Variants in FNIP2 observed in about 807,000 individuals in gnomAD.
FNIP2 encodes the protein folliculin interacting protein 2.
Under a neutral mutation model 108.7 loss-of-function variants are expected in FNIP2, and 32 were observed. The observed-to-expected ratio is 0.29, with a 90% CI of 0.22 to 0.40. FNIP2 has a LOEUF of 0.40. Among genes scored for constraint, FNIP2 ranks in the 10% least tolerant of loss-of-function variants. The pLI is 1.00. For synonymous variants in FNIP2, 480 were observed against 496.7 expected, an observed-to-expected ratio of 0.97 and a Z score of 0.45; for missense variants, 1,202 against 1,381.6, an observed-to-expected ratio of 0.87 and a Z score of 2.06.
intron 2 of FNIP2, among the ~76,000 whole-genome samples, chr4:158,827,006 G>A (rs1328518678): frequency 6.6e-6 from 1 of 152,178 alleles, no homozygotes; most frequent in Non-Finnish European, 1.5e-5. Context: ...TTTTGATAAG[G>A]ATCATTTCTG....
chr4:158,865,086 C>G (rs1359354159), intron 12 of FNIP2, among the ~76,000 whole-genome samples: 2 of 152,146 alleles, frequency 1.3e-5, no homozygotes, highest in African/African-American at 4.8e-5. Context: ...TGTCTTTGGC[C>G]TATTTCACTT....
intron 1 of FNIP2, among the ~76,000 whole-genome samples, chr4:158,780,940 C>T (rs1447253332): frequency 6.6e-6 from 1 of 151,024 alleles, no homozygotes; most frequent in Non-Finnish European, 1.5e-5. Flanking sequence ...GAGGCTGAGG[C>T]AGGAGAATCG....
intron 15 of FNIP2, among the ~76,000 whole-genome samples, chr4:158,894,885 C>T (rs1356907228): frequency 5.3e-5 from 8 of 152,162 alleles, no homozygotes; most frequent in African/African-American, 9.7e-5. Flanking sequence ...TGTCGTTGAT[C>T]AGCCCAGATG....
chr4:158,882,234 G>A (rs1405467159), intron 14 of FNIP2, among the ~76,000 whole-genome samples: 10 of 148,318 alleles, frequency 6.7e-5, no homozygotes, highest in African/African-American at 1.0e-4. Context: ...CCCGGCAGCC[G>A]CCCCGTCTGA....
chr4:158,831,040 T>C (rs1255655076), intron 3 of FNIP2, among the ~76,000 whole-genome samples: 1 of 152,094 alleles, frequency 6.6e-6, no homozygotes, highest in Non-Finnish European at 1.5e-5. Flanking sequence ...GTTAGTAGGG[T>C]TGACCTCCAG....
chr4:158,862,735 A>T (rs1780364164), intron 12 of FNIP2, among the ~76,000 whole-genome samples: 1 of 152,220 alleles, frequency 6.6e-6, no homozygotes, highest in African/African-American at 2.4e-5. Context: ...TGCCTAACTC[A>T]TTCTTGGTCA....
chr4:158,902,124 T>A (rs1450852649), intron 16 of FNIP2, among the ~76,000 whole-genome samples: 1 of 152,126 alleles, frequency 6.6e-6, no homozygotes, highest in Non-Finnish European at 1.5e-5. Context: ...CTTCATGGAT[T>A]TATCTACCTT....
intron 8 of FNIP2, among the ~76,000 whole-genome samples, chr4:158,858,794 G>A (rs989722688): frequency 6.6e-6 from 1 of 152,126 alleles, no homozygotes; most frequent in Admixed American, 6.6e-5. Context: ...ACGATTCAAA[G>A]GAAAAGGACA....
intron 1 of FNIP2, among the ~76,000 whole-genome samples, chr4:158,816,394 A>G (rs1777569402): frequency 6.6e-6 from 1 of 152,176 alleles, no homozygotes. Context: ...ATCTTGATGC[A>G]TGTTACCTTT....
Position 158,859,653 on chromosome 4 carries a change from C to G in FNIP2, c.1135C>G (p.Leu379Val). The change falls in exon 10 of 17, where the codon CTG (leucine) becomes GTG (valine). Residue 379 changes from leucine to valine, a missense_variant. Leu to Val is a conservative substitution (Grantham distance 32, BLOSUM62 1). Coordinates refer to ENST00000264433, the MANE Select transcript of FNIP2 (RefSeq NM_020840.3). ...TTATGTCAGCCGTTTGATGGAAGCT[C>G]TGGGAGAATTCAGGTAAAGTGGCAA... Reference protein sequence around the residue: ...QFYVSRLMEALGEFRGTIWNL... With the variant: ...QFYVSRLMEAVGEFRGTIWNL... The G allele has an allele frequency of 6.2e-7, 1 of 1,613,054 alleles. No individual in the cohort carries two copies. Among genetic ancestry groups the G allele is most frequent in the Non-Finnish European group, 8.5e-7 (1 of 1,179,516 alleles).
chr4:158,881,926 G>C (rs1341714783), intron 14 of FNIP2, among the ~76,000 whole-genome samples: 1 of 152,012 alleles, frequency 6.6e-6, no homozygotes, highest in Non-Finnish European at 1.5e-5. Context: ...TCTGGGATGT[G>C]AGGAGCCCCT....
At chr4:158,882,389 C>T (rs887721581) in intron 14 of FNIP2, among the ~76,000 whole-genome samples, 2 of 151,370 alleles carry the variant, frequency 1.3e-5, no homozygotes, top group Non-Finnish European at 3.0e-5. Flanking sequence ...TGGGGGGCGC[C>T]TCCGCCCGGC....
chr4:158,858,906 A>G, intron 8 of FNIP2, 151 bp from the exon 9 acceptor site: 1 of 651,734 alleles, frequency 1.5e-6, no homozygotes, highest in Non-Finnish European at 2.7e-6. Flanking sequence ...TCTCATCTTC[A>G]TGCCAGGGAA....
At chr4:158,833,709 G>T (rs756192933) in intron 6 of FNIP2, 81 bp downstream of exon 6, 3 of 1,463,472 alleles carry the variant, frequency 2.0e-6, no homozygotes, top group African/African-American at 1.4e-5. Flanking sequence ...TGAGTTTGTC[G>T]TGGGTTTTTT....
chr4:158,903,677 G>C lies in FNIP2; in HGVS notation c.3267-789G>C, dbSNP rs185253476. The stretch of plus-strand genomic sequence containing the variant: ...AGAACTTCTGTGCACTCTGAAATCA[G>C]ATCTGTATGTAGCATTACTGGAGAA... On this transcript the variant is annotated intron_variant, in intron 16 of 16. Coordinates refer to ENST00000264433, the MANE Select transcript of FNIP2 (RefSeq NM_020840.3). Among the ~76,000 whole-genome samples, 5 of 152,270 alleles carry C rather than the reference G, an allele frequency of 3.3e-5. No individual in the cohort carries two copies. In the East Asian group the frequency reaches 9.6e-4, roughly 29 times the overall value.
At chr4:158,806,264 C>T (rs1038525798) in intron 1 of FNIP2, 42 of 1,289,280 alleles carry the variant, frequency 3.3e-5, no homozygotes, top group Non-Finnish European at 4.1e-5. Context: ...GGCGGCACAG[C>T]GAACACCACA....
At chr4:158,871,530 A>G in intron 14 of FNIP2, 2 of 985,374 alleles carry the variant, frequency 2.0e-6, no homozygotes, top group Non-Finnish European at 2.4e-6. Flanking sequence ...GAAGTGGGAA[A>G]AAAACTCAGT....
intron 1 of FNIP2, among the ~76,000 whole-genome samples, chr4:158,798,597 A>G (rs1272465409): frequency 1.3e-5 from 2 of 152,254 alleles, no homozygotes; most frequent in African/African-American, 4.8e-5. Flanking sequence ...TTCATGTATC[A>G]TCAGCATCCT....
In FNIP2 at chr4:158,869,420, T is replaced by C; in HGVS notation, c.2784T>C (p.Pro928=). The change falls in exon 13 of 17, where the codon CCT becomes CCC. Residue 928 remains proline, a synonymous_variant. Transcript: ENST00000264433. The part of the protein sequence containing the change: ...RTGGSLEVEL[P]LPRSQSISTQ... ...GAGGGTCCTTGGAAGTGGAGCTGCC[T>C]CTGCCAAGGTAACTCCAGCAGGCTG... 6.3e-7 allele frequency: 1 copy of C among 1,597,082 alleles called. No homozygotes were observed. The highest frequency in any genetic ancestry group is 8.5e-7 in the Non-Finnish European group (1 of 1,173,170).
Sources: allele counts gnomAD v4.1 joint callset (sites outside exome capture counted in the v4.1 genomes callset), GRCh38; gene constraint gnomAD v4.1.1; transcripts MANE v1.5; gene names NCBI Gene and HGNC (gene_info 2026-07-23, HGNC 2026-07-21).